Variants in MGMT observed in about 807,000 individuals in gnomAD.
MGMT encodes the protein methylated-DNA--protein-cysteine methyltransferase.
A neutral mutation model predicts 15.9 loss-of-function variants in MGMT; 14 were observed. That is an observed-to-expected ratio of 0.88 (90% CI 0.58 to 1.37). The LOEUF (loss-of-function observed/expected upper bound fraction) is 1.37, where lower values mean the gene tolerates loss of function less well. MGMT is among the 40% of genes most tolerant of loss of function. The probability of loss-of-function intolerance (pLI) is 0.00; values close to 1 mark genes in which losing one functional copy is unlikely to be tolerated. For synonymous variants in MGMT, 130 were observed against 118.2 expected, an observed-to-expected ratio of 1.10 and a Z score of -0.65; for missense variants, 282 against 268.1, an observed-to-expected ratio of 1.05 and a Z score of -0.36.
rs1359190711 is a variant in MGMT, at chr10:129,659,071, T to G, written c.126-48824T>G. Among the ~76,000 whole-genome samples, 1 of 152,102 alleles carries G rather than the reference T, an allele frequency of 6.6e-6. No homozygotes were observed. The highest frequency in any genetic ancestry group is 2.4e-5 in the African/African-American group (1 of 41,404). ...GACTTCATGTTGTTTCAGAAGATAC[T>G]CAAGGCCGGGTGCAGTGGCTCACAC... On this transcript the variant is annotated intron_variant, in intron 2 of 4. Transcript: ENST00000651593. This position sits in a 1 kb window ranked among gnomAD's most constrained non-coding sequence, Gnocchi z 4.1.
chr10:129,617,256 A>T (rs1427477350), intron 2 of MGMT, among the ~76,000 whole-genome samples: 2 of 152,022 alleles, frequency 1.3e-5, no homozygotes, highest in Non-Finnish European at 2.9e-5. Context: ...GATGCAAATG[A>T]TCTCATTCTT....
intron 2 of MGMT, among the ~76,000 whole-genome samples, chr10:129,668,385 C>T (rs1847683669): frequency 6.6e-6 from 1 of 151,928 alleles, no homozygotes; most frequent in Admixed American, 6.6e-5. Context: ...TTCTAGAAGT[C>T]ACAGTTATTT....
chr10:129,696,560 G>C (rs941514594), intron 2 of MGMT, among the ~76,000 whole-genome samples: 2 of 152,228 alleles, frequency 1.3e-5, no homozygotes, highest in African/African-American at 4.8e-5. Flanking sequence ...CTTCCCCCTA[G>C]GGAATGGTTT....
At chr10:129,525,855 G>T (rs532183748) in intron 1 of MGMT, among the ~76,000 whole-genome samples, 1 of 152,184 alleles carries the variant, frequency 6.6e-6, no homozygotes. Flanking sequence ...CCACAAACAG[G>T]AGTGTTTCCC....
intron 2 of MGMT, among the ~76,000 whole-genome samples, chr10:129,618,710 A>C (rs1847056639): frequency 1.7e-5 from 1 of 60,320 alleles, no homozygotes; most frequent in South Asian, 9.1e-4. Context: ...TATATTCCAC[A>C]TAAATTTATC....
At chr10:129,573,021 T>C (rs1486477306) in intron 2 of MGMT, among the ~76,000 whole-genome samples, 1 of 152,218 alleles carries the variant, frequency 6.6e-6, no homozygotes, top group Non-Finnish European at 1.5e-5. Flanking sequence ...TTCTGAGAAG[T>C]AGAATTTAAA....
intron 3 of MGMT, among the ~76,000 whole-genome samples, chr10:129,744,139 C>T (rs1219438162): frequency 6.6e-6 from 1 of 152,246 alleles, no homozygotes; most frequent in East Asian, 1.9e-4. Context: ...GGTGTCCTGT[C>T]CTTCTAGAGG....
chr10:129,620,104 C>T (rs1847074446), intron 2 of MGMT, among the ~76,000 whole-genome samples: 1 of 152,178 alleles, frequency 6.6e-6, no homozygotes, highest in African/African-American at 2.4e-5. Context: ...ATGATCCTTT[C>T]TAAGATTGGT....
chr10:129,746,932 C>A (rs1021811418), intron 3 of MGMT, among the ~76,000 whole-genome samples: 1 of 152,108 alleles, frequency 6.6e-6, no homozygotes, highest in Non-Finnish European at 1.5e-5. Context: ...TGTTAGAATT[C>A]AAATTTTATG....
At chr10:129,748,755 C>T (rs1328845367) in intron 3 of MGMT, among the ~76,000 whole-genome samples, 2 of 152,312 alleles carry the variant, frequency 1.3e-5, no homozygotes, top group East Asian at 3.9e-4. Flanking sequence ...ATATCTGCAA[C>T]TCTAATCCAT....
chr10:129,540,890 C>T (rs561003867), intron 2 of MGMT, among the ~76,000 whole-genome samples: 17 of 152,316 alleles, frequency 1.1e-4, no homozygotes, highest in African/African-American at 3.8e-4. Flanking sequence ...GTGCTCCCAC[C>T]TGGAGCCATC....
Position 129,659,771 on chromosome 10 carries a change from A to G in MGMT, c.126-48124A>G, listed in dbSNP as rs544606681. Among the ~76,000 whole-genome samples, 1 of 152,356 alleles carries G rather than the reference A, an allele frequency of 6.6e-6. No individual in the cohort carries two copies. Among genetic ancestry groups the G allele is most frequent in the South Asian group, 2.1e-4 (1 of 4,832 alleles). ...TTCTGACATTTATAGACTGACACGA[A>G]AACAGAAGTAAAAGTCTAAATTGAA... is the stretch of plus-strand genomic sequence containing the variant. On this transcript the variant is annotated intron_variant, in intron 2 of 4. Coordinates refer to ENST00000651593, the MANE Select transcript of MGMT (RefSeq NM_002412.5). The surrounding 1 kb of genome is among the most constrained non-coding windows in gnomAD (Gnocchi z 4.1).
intron 1 of MGMT, among the ~76,000 whole-genome samples, chr10:129,491,519 C>T (rs1845468882): frequency 6.6e-6 from 1 of 152,152 alleles, no homozygotes; most frequent in South Asian, 2.1e-4. Context: ...CTGATCCCTT[C>T]AAATATTGCT....
At chr10:129,754,305 G>A (rs1000440818) in intron 3 of MGMT, among the ~76,000 whole-genome samples, 14 of 152,108 alleles carry the variant, frequency 9.2e-5, no homozygotes, top group Non-Finnish European at 1.8e-4. Context: ...TCCCCACTCC[G>A]CTAAACTCTT....
chr10:129,572,748 G>A (rs191607975), intron 2 of MGMT, among the ~76,000 whole-genome samples: 5 of 152,182 alleles, frequency 3.3e-5, no homozygotes, highest in Non-Finnish European at 5.9e-5. Flanking sequence ...TTGGGATAGA[G>A]ACTGTGCCAT....
chr10:129,654,383 A>G (rs984546512), intron 2 of MGMT, among the ~76,000 whole-genome samples: 2 of 152,152 alleles, frequency 1.3e-5, no homozygotes, highest in Non-Finnish European at 2.9e-5. Context: ...ACACTCTCCC[A>G]TGTCTTTGAA....
Position 129,624,693 on chromosome 10 carries a change from T to C in MGMT, c.126-83202T>C, listed in dbSNP as rs565879759. On this transcript the variant is annotated intron_variant, in intron 2 of 4. Transcript: ENST00000651593. ...GACATAACTCGTAGGATGGTCAGCA[T>C]GCCCAGTGCGGCGGCGAGGACTTCG... Among the ~76,000 whole-genome samples, 397 of 152,320 alleles carry C rather than the reference T, an allele frequency of 2.6e-3. 2 individuals are homozygous for C. The highest frequency in any genetic ancestry group is 9.0e-3 in the African/African-American group (374 of 41,568).
chr10:129,505,612 G>A (rs1042355717), intron 1 of MGMT, among the ~76,000 whole-genome samples: 1 of 152,106 alleles, frequency 6.6e-6, no homozygotes, highest in Non-Finnish European at 1.5e-5. Flanking sequence ...GTCTGCATCT[G>A]ATACATCCAG....
chr10:129,501,782 C>T (rs1845576982), intron 1 of MGMT, among the ~76,000 whole-genome samples: 1 of 152,226 alleles, frequency 6.6e-6, no homozygotes, highest in Non-Finnish European at 1.5e-5. Flanking sequence ...CTGAATTGAG[C>T]AGCATTCGTG....
Sources: gnomAD v4.1 joint callset for allele counts (sites outside exome capture counted in the v4.1 genomes callset) on GRCh38, gnomAD v4.1.1 for gene constraint, Gnocchi (gnomAD v3.1) non-coding constraint, MANE v1.5 for transcripts, NCBI Gene and HGNC (gene_info 2026-07-23, HGNC 2026-07-21) for gene names.